The following ASAP1 variants were observed in gnomAD, a reference collection of about 807,000 sequenced individuals.
ASAP1 encodes arf-GAP with SH3 domain, ANK repeat and PH domain-containing protein 1.
ASAP1 carries 43 observed loss-of-function variants against 145.2 expected under a neutral mutation model. The ratio of observed to expected loss-of-function variants is 0.30; its 90% CI spans 0.23 to 0.38. The LOEUF (loss-of-function observed/expected upper bound fraction) is 0.38, where lower values mean the gene tolerates loss of function less well. Among genes scored for constraint, ASAP1 ranks in the 10% least tolerant of loss-of-function variants. ASAP1 has a pLI of 1.00. For missense variants in ASAP1, 1,018 were observed against 1,355.3 expected (o/e 0.75, Z 3.91); for synonymous variants, 546 against 515.5 (o/e 1.06, Z -0.80).
chr8:130,107,586 C>T (rs531993319), intron 24 of ASAP1, among the ~76,000 whole-genome samples: 17 of 150,508 alleles, frequency 1.1e-4, no homozygotes, highest in Non-Finnish European at 2.1e-4. Flanking sequence ...CTCATTCTGT[C>T]GCCCGGGCTG....
rs760226346 is a variant in ASAP1, at chr8:130,344,742, A to AAAAC, written c.186+13271_186+13274dup. Among the ~76,000 whole-genome samples the AAAAC allele has an allele frequency of 3.3e-3, 506 of 152,294 alleles. 2 individuals carry two copies. The highest frequency in any genetic ancestry group is 0.011 in the African/African-American group (458 of 41,560). ...GCAGGGTGAGATTGCGTCTCTTAAA[A>AAAAC]AAACAAACAAACAAACAAACAAAAA... On this transcript the variant is annotated intron_variant, in intron 3 of 29. Coordinates refer to ENST00000518721, the MANE Select transcript of ASAP1 (RefSeq NM_018482.4).
At chr8:130,276,842 G>T (rs915864527) in intron 3 of ASAP1, among the ~76,000 whole-genome samples, 9 of 150,236 alleles carry the variant, frequency 6.0e-5, no homozygotes, top group African/African-American at 2.2e-4. Context: ...AGAAATTAAG[G>T]AACAGAAATA....
At chr8:130,257,305 G>A (rs1196693899) in intron 3 of ASAP1, among the ~76,000 whole-genome samples, 1 of 152,120 alleles carries the variant, frequency 6.6e-6, no homozygotes, top group Non-Finnish European at 1.5e-5. Flanking sequence ...TCTCAAAAAT[G>A]AGCAAGCAGT....
chr8:130,236,819 T>C, intron 4 of ASAP1, 103 bp downstream of exon 4: 2 of 841,282 alleles, frequency 2.4e-6, no homozygotes, highest in Non-Finnish European at 3.5e-6. Flanking sequence ...TACTTTTCCA[T>C]TTGTGTCAAG....
chr8:130,381,917 C>A (rs1202800991), intron 2 of ASAP1, among the ~76,000 whole-genome samples: 1 of 152,188 alleles, frequency 6.6e-6, no homozygotes, highest in Non-Finnish European at 1.5e-5. Flanking sequence ...CCTGACCACT[C>A]TCCTCCCACC....
chr8:130,273,949 G>A (rs1035660469), intron 3 of ASAP1, among the ~76,000 whole-genome samples: 2 of 152,182 alleles, frequency 1.3e-5, no homozygotes, highest in East Asian at 1.9e-4. Context: ...TAGGATGAAG[G>A]GGGGCGGAGG....
At chr8:130,080,685 T>A (rs900698462) in intron 25 of ASAP1, among the ~76,000 whole-genome samples, 2 of 151,768 alleles carry the variant, frequency 1.3e-5, no homozygotes, top group Non-Finnish European at 2.9e-5. Flanking sequence ...TAGACTGGAG[T>A]GTAGTGGTGC....
At chr8:130,125,927 A>T in intron 17 of ASAP1, 29 bp downstream of exon 17, 1 of 1,581,892 alleles carries the variant, frequency 6.3e-7, no homozygotes, top group Non-Finnish European at 8.6e-7. Flanking sequence ...CAATAATATC[A>T]TTCTTCCCAA....
rs115489384 is a variant in ASAP1 at position 130,205,802 on chromosome 8, T to C, written c.405+8754A>G. Among the ~76,000 whole-genome samples the C allele has an allele frequency of 8.4e-3, 1,262 of 150,448 alleles. 19 individuals are homozygous for C. The highest frequency in any genetic ancestry group is 0.029 in the African/African-American group (1,214 of 41,198). The stretch of plus-strand genomic sequence containing the variant: ...AGAAGTCACTAGGGGGTGTGCTGCA[T>C]AATATAAGGCATGTACACCCTGTCA... On this transcript the variant is annotated intron_variant, in intron 5 of 29. Transcript: ENST00000518721.
chr8:130,353,168 A>G (rs1032819700), intron 3 of ASAP1, among the ~76,000 whole-genome samples: 2 of 152,068 alleles, frequency 1.3e-5, no homozygotes, highest in African/African-American at 4.8e-5. Context: ...TTATTTCTTT[A>G]TTTCTTAAAG....
At position 130,325,837 on chromosome 8, in the gene ASAP1, G is replaced by A. The variant is rs183928268; in HGVS notation, c.186+32180C>T. On this transcript the variant is annotated intron_variant, in intron 3 of 29. Coordinates refer to ENST00000518721, the MANE Select transcript of ASAP1 (RefSeq NM_018482.4). ...TTGTGGATGACAAAACCAAGGCTCC[G>A]AGAAGAGACCACAAAACATATGATT... Among the ~76,000 whole-genome samples the A allele has an allele frequency of 2.6e-3, 390 of 152,228 alleles. 5 individuals carry two copies. Among genetic ancestry groups the A allele is most frequent in the Admixed American group, 0.022 (338 of 15,282 alleles).
intron 29 of ASAP1, among the ~76,000 whole-genome samples, chr8:130,057,230 T>C (rs1592705055): frequency 6.6e-6 from 1 of 152,114 alleles, no homozygotes; most frequent in Non-Finnish European, 1.5e-5. Context: ...CAGTGTGGAA[T>C]GGTGAGCAAA....
intron 24 of ASAP1, among the ~76,000 whole-genome samples, chr8:130,107,407 G>A (rs1036784058): frequency 1.4e-4 from 21 of 151,150 alleles, no homozygotes; most frequent in Non-Finnish European, 2.7e-4. Context: ...GGATGGTCTC[G>A]ATCTCCTGAC....
At chr8:130,389,907 A>G (rs1828196180) in intron 2 of ASAP1, among the ~76,000 whole-genome samples, 1 of 152,138 alleles carries the variant, frequency 6.6e-6, no homozygotes, top group South Asian at 2.1e-4. Context: ...TATGTTGCCC[A>G]GGCTTTAAGC....
rs544029697 is a variant in ASAP1 at position 130,347,387 on chromosome 8, A to C, written c.186+10630T>G. ...TGCAGAGGGAAGGGCAGAGAAACTA[A>C]CATCTTCCAAGCGTCACTGAGTGCC... On this transcript the variant is annotated intron_variant, in intron 3 of 29. Transcript: ENST00000518721. 1.9e-4 allele frequency among the ~76,000 whole-genome samples: 29 copies of C among 152,352 alleles called. No homozygotes were observed. The South Asian group carries it at 5.8e-3, about 30-fold the overall frequency.
intron 26 of ASAP1, among the ~76,000 whole-genome samples, chr8:130,077,277 C>G (rs2097464744): frequency 6.6e-6 from 1 of 152,208 alleles, no homozygotes; most frequent in South Asian, 2.1e-4. Flanking sequence ...GAATACAGGT[C>G]CATACCACAT....
chr8:130,387,459 C>T (rs1828071740), intron 2 of ASAP1, among the ~76,000 whole-genome samples: 1 of 151,762 alleles, frequency 6.6e-6, no homozygotes, highest in African/African-American at 2.4e-5. Context: ...TCACTTGGAC[C>T]CAGGAGGTGG....
chr8:130,152,283 A>T (rs1290813734), intron 13 of ASAP1, among the ~76,000 whole-genome samples: 1 of 152,178 alleles, frequency 6.6e-6, no homozygotes, highest in East Asian at 1.9e-4. Flanking sequence ...ATTTTCCACT[A>T]CAATCTCTGC....
chr8:130,140,962 T>C (rs2097609376), intron 13 of ASAP1, among the ~76,000 whole-genome samples: 1 of 152,250 alleles, frequency 6.6e-6, no homozygotes, highest in Non-Finnish European at 1.5e-5. Context: ...TAACTTCAGA[T>C]GTTTGTGTAA....
Sources: allele counts gnomAD v4.1 joint callset (sites outside exome capture counted in the v4.1 genomes callset), GRCh38; gene constraint gnomAD v4.1.1; transcripts MANE v1.5; gene names NCBI Gene and HGNC (gene_info 2026-07-23, HGNC 2026-07-21).